Variants in NPHS1 observed in about 807,000 individuals in gnomAD.
The protein encoded by NPHS1 is NPHS1 adhesion molecule, nephrin, also known as nephrin.
In NPHS1, 107 loss-of-function variants were observed where a neutral mutation model predicts 139.7. The ratio of observed to expected loss-of-function variants is 0.77; its 90% CI spans 0.66 to 0.90. The LOEUF is 0.90. NPHS1 is among the 40% of genes least tolerant of loss of function. The pLI is 0.00. For missense variants in NPHS1, 1,580 were observed against 1,654.2 expected, an observed-to-expected ratio of 0.96 and a Z score of 0.78; for synonymous variants, 707 against 706.6, an observed-to-expected ratio of 1.00 and a Z score of -0.01.
At chr19:35,834,761 C>T (rs1201480062) in intron 23 of NPHS1, among the ~76,000 whole-genome samples, 1 of 151,864 alleles carries the variant, frequency 6.6e-6, no homozygotes, top group Non-Finnish European at 1.5e-5. Context: ...CGTGTTGGCA[C>T]GTGCCTGTAG....
rs756084932 is a variant in NPHS1 at position 35,844,212 on chromosome 19, G to A, written c.2103C>T (p.Ser701=). The A allele has an allele frequency of 1.4e-5, 22 of 1,612,692 alleles. No individual in the cohort carries two copies. The East Asian group carries it at 4.7e-4, about 34-fold the overall frequency. Residue 701 remains serine, a synonymous_variant, in exon 16 of 29, where the codon AGC becomes AGT. Coordinates refer to ENST00000378910, the MANE Select transcript of NPHS1 (RefSeq NM_004646.4). The stretch of plus-strand genomic sequence containing the variant: ...TCACATTCCACAGATGCAGAGCCCC[G>A]CTGGACAGGATGCGATGCCGGGGGC... ...AGGPRHRILS[S]GALHLWNVTR...
rs767421734 is a variant in NPHS1 at position 35,849,156 on chromosome 19, A to G, written c.841-9T>C. The G allele has an allele frequency of 1.2e-6, 2 of 1,611,518 alleles. No homozygotes were observed. Among genetic ancestry groups the G allele is most frequent in the South Asian group, 2.2e-5 (2 of 91,086 alleles). ...GACACCGGCTGGCCATTCTGGAGAC[A>G]GGGACAGGCCTGGGCCAGCTCAGGA... On this transcript the variant is annotated splice_polypyrimidine_tract_variant and intron_variant, in intron 7 of 28. Transcript: ENST00000378910.
chr19:35,835,571 C>T (rs1972946013), intron 23 of NPHS1, 134 bp downstream of exon 23: 1 of 825,070 alleles, frequency 1.2e-6, no homozygotes, highest in Non-Finnish European at 2.1e-6. Flanking sequence ...GTTGGGATTA[C>T]AGGCGTGAGC....
intron 22 of NPHS1, among the ~76,000 whole-genome samples, chr19:35,837,753 C>T (rs1972988471): frequency 6.6e-6 from 1 of 151,992 alleles, no homozygotes; most frequent in South Asian, 2.1e-4. Flanking sequence ...CAGGCATGTG[C>T]CACCACACCC....
intron 11 of NPHS1, among the ~76,000 whole-genome samples, chr19:35,846,737 G>C (rs933452952): frequency 2.6e-5 from 4 of 151,998 alleles, no homozygotes; most frequent in Admixed American, 6.6e-5. Context: ...AATCTTTCCC[G>C]ATATTATAAT....
chr19:35,830,351 T>C (rs989318875), intron 28 of NPHS1, among the ~76,000 whole-genome samples: 8 of 152,246 alleles, frequency 5.3e-5, no homozygotes, highest in African/African-American at 1.4e-4. Context: ...AACTGGCTCA[T>C]TCATGTAGAC....
At position 35,843,575 on chromosome 19, in the gene NPHS1, G is replaced by A. The variant is rs1973090853; in HGVS notation, c.2231C>T (p.Ala744Val). The part of the protein sequence containing the change: ...LDVHYAPTIR[A>V]LQDPTEVNVG... The stretch of plus-strand genomic sequence containing the variant: ...GTTCACCTCAGTGGGGTCCTGGAGG[G>A]CACGGATGGTGGGAGCATCTGGTGG... The change falls in exon 17 of 29, where the codon GCC becomes GTC. Residue 744 changes from alanine to valine, a missense_variant. Ala to Val is a moderately conservative substitution (Grantham distance 64). Transcript: ENST00000378910. 1 of 1,614,014 alleles carries A rather than the reference G, an allele frequency of 6.2e-7. No homozygotes were observed. Among genetic ancestry groups the A allele is most frequent in the African/African-American group, 1.3e-5 (1 of 74,950 alleles).
intron 4 of NPHS1, among the ~76,000 whole-genome samples, 191 bp downstream of exon 4, chr19:35,850,770 G>A (rs957579867): frequency 1.3e-4 from 20 of 152,268 alleles, no homozygotes; most frequent in Admixed American, 5.2e-4. Context: ...GGTTGCTGCC[G>A]CCCTCGATGT....
intron 23 of NPHS1, among the ~76,000 whole-genome samples, chr19:35,835,213 A>G (rs1022821969): frequency 6.6e-6 from 1 of 150,978 alleles, no homozygotes; most frequent in Non-Finnish European, 1.5e-5. Context: ...AAAAAAAAAA[A>G]AAAAAAGAAA....
Position 35,826,435 on chromosome 19 carries a change from G to T in NPHS1, c.*79C>A. 1.3e-6 allele frequency: 2 copies of T among 1,572,478 alleles called. No homozygotes were observed. The highest frequency in any genetic ancestry group is 8.7e-7 in the Non-Finnish European group (1 of 1,144,518). ...GGGTTTTATGGAGCTCACCTAACCAGCTCGGCCCAGGCTGTAATGAGAGAG... is the reference window on the plus strand; with the variant it reads ...GGGTTTTATGGAGCTCACCTAACCATCTCGGCCCAGGCTGTAATGAGAGAG... On this transcript the variant is annotated 3_prime_UTR_variant, in exon 29 of 29. Transcript: ENST00000378910.
At chr19:35,837,286 AATTT>A (rs1972980891) in intron 22 of NPHS1, among the ~76,000 whole-genome samples, 1 of 152,154 alleles carries the variant, frequency 6.6e-6, no homozygotes, top group Non-Finnish European at 1.5e-5. Context: ...CAACTTGCTG[AATTT>A]ATTGGAATAA....
In NPHS1 at chr19:35,851,199, G is replaced by A. The variant is rs369969576; in HGVS notation, c.397+63C>T. On this transcript the variant is annotated intron_variant, in intron 3 of 28. Transcript: ENST00000378910. ...AGAGGCTGGGGGCTTGGACTTCCGG[G>A]TTGCGGGGTAGGGGAGGGCTTGAAG... The A allele has an allele frequency of 8.4e-5, 135 of 1,613,312 alleles. 2 individuals carry two copies. The South Asian group carries it at 1.3e-3, about 15-fold the overall frequency.
At chr19:35,833,517 T>C (rs1972911661) in intron 23 of NPHS1, among the ~76,000 whole-genome samples, 1 of 152,160 alleles carries the variant, frequency 6.6e-6, no homozygotes, top group Non-Finnish European at 1.5e-5. Flanking sequence ...ACAATTCTAC[T>C]AGCTGTCAAG....
Position 35,851,284 on chromosome 19 carries a change from G to C in NPHS1, c.375C>G (p.Pro125=). 6.2e-7 allele frequency: 1 copy of C among 1,614,006 alleles called. No homozygotes were observed. Among genetic ancestry groups the C allele is most frequent in the Non-Finnish European group, 8.5e-7 (1 of 1,179,942 alleles). ...RSEMGPELVS[P]RVILSILVPP... ...TACCCAGGATGGAGAGGATCACTCT[G>C]GGAGACACGAGCTCGGGCCCCATCT... is the stretch of plus-strand genomic sequence containing the variant. Residue 125 remains proline, a synonymous_variant, in exon 3 of 29, where the codon CCC becomes CCG. Coordinates refer to ENST00000378910, the MANE Select transcript of NPHS1 (RefSeq NM_004646.4).
chr19:35,848,279 T>G lies in NPHS1; in HGVS notation c.1289A>C (p.Lys430Thr). The G allele has an allele frequency of 6.2e-7, 1 of 1,614,170 alleles. No homozygotes were observed. Among genetic ancestry groups the G allele is most frequent in the Non-Finnish European group, 8.5e-7 (1 of 1,180,024 alleles). Residue 430 changes from lysine to threonine, a missense_variant, in exon 10 of 29, where the codon AAG becomes ACG. Lys to Thr is a moderately conservative substitution (Grantham distance 78). Coordinates refer to ENST00000378910, the MANE Select transcript of NPHS1 (RefSeq NM_004646.4). ...TTTTACGTTCAGGATGAGCGACTTC[T>G]TGAAGGTCTCCTTGGTGAAGGCTTC... ...FSEAFTKETF[K>T]KSLILNVKYP...
intron 16 of NPHS1, 31 bp downstream of exon 16, chr19:35,844,072 G>T: frequency 1.2e-6 from 2 of 1,603,324 alleles, no homozygotes; most frequent in South Asian, 1.1e-5. Context: ...TTCCTTGGGT[G>T]GGTGTGGTTT....
chr19:35,835,620 G>T, intron 23 of NPHS1, 85 bp downstream of exon 23: 1 of 1,219,770 alleles, frequency 8.2e-7, no homozygotes, highest in Non-Finnish European at 1.2e-6. Context: ...AAGCAGCTGT[G>T]ACTACAAGCA....
chr19:35,847,484 A>G (rs1305422173), intron 11 of NPHS1, among the ~76,000 whole-genome samples: 1 of 150,054 alleles, frequency 6.7e-6, no homozygotes, highest in East Asian at 2.0e-4. Context: ...CCTCTCCAGT[A>G]GCTGGGATTA....
chr19:35,840,908 C>A (rs1973047137), intron 20 of NPHS1, among the ~76,000 whole-genome samples: 1 of 148,292 alleles, frequency 6.7e-6, no homozygotes, highest in Non-Finnish European at 1.5e-5. Context: ...TCAGGCTGAC[C>A]TTGTGATCTG....
Sources: gnomAD v4.1 joint callset for allele counts (sites outside exome capture counted in the v4.1 genomes callset) on GRCh38, gnomAD v4.1.1 for gene constraint, MANE v1.5 for transcripts, NCBI Gene and HGNC (gene_info 2026-07-23, HGNC 2026-07-21) for gene names.